Variants in ESRRG observed in about 807,000 individuals in gnomAD.
The protein encoded by ESRRG is estrogen-related receptor gamma.
In ESRRG, 13 loss-of-function variants were observed where a neutral mutation model predicts 44.0. That is an observed-to-expected ratio of 0.30 (90% CI 0.19 to 0.47). ESRRG has a LOEUF of 0.47. ESRRG is among the 20% of genes least tolerant of loss of function. ESRRG has a pLI of 1.00. For missense variants in ESRRG, 395 were observed against 580.6 expected, an observed-to-expected ratio of 0.68 and a Z score of 3.29; for synonymous variants, 215 against 214.6, an observed-to-expected ratio of 1.00 and a Z score of -0.02.
chr1:216,597,384 C>G (rs2058591000), intron 3 of ESRRG, among the ~76,000 whole-genome samples: 1 of 152,102 alleles, frequency 6.6e-6, no homozygotes, highest in South Asian at 2.1e-4. Context: ...AAAGAAGGAA[C>G]TTGGGCATCA....
intron 1 of ESRRG, among the ~76,000 whole-genome samples, chr1:217,103,908 G>A (rs1245690321): frequency 1.3e-5 from 2 of 152,166 alleles, no homozygotes; most frequent in African/African-American, 2.4e-5. Context: ...GTGAGACAGC[G>A]TGGGGCACTG....
At chr1:216,686,230 T>A (rs1428020668) in intron 1 of ESRRG, 1 of 152,048 alleles carries the variant, frequency 6.6e-6, no homozygotes, top group African/African-American at 2.4e-5. Context: ...GGAGGGGAAC[T>A]CAGCTAATTA....
In ESRRG at chr1:216,588,350, A is replaced by AGC. The variant is rs926477412; in HGVS notation, c.590-20254_590-20253dup. On this transcript the variant is annotated intron_variant, in intron 3 of 6. Transcript: ENST00000408911. ...GATTTGCAAAGATCTGAGGGTTAGG[A>AGC]GCTACTACAACAAACAACAACAACA... Among the ~76,000 whole-genome samples, 14 of 152,304 alleles carry AGC rather than the reference A, an allele frequency of 9.2e-5. No homozygotes were observed. The East Asian group carries it at 2.5e-3, about 27-fold the overall frequency.
chr1:216,818,039 T>C (rs2095194249), intron 2 of ESRRG, among the ~76,000 whole-genome samples: 1 of 152,192 alleles, frequency 6.6e-6, no homozygotes, highest in African/African-American at 2.4e-5. Flanking sequence ...ACAGTTATCA[T>C]TTCTGCACTG....
At chr1:216,694,657 C>A (rs1227743862) in intron 1 of ESRRG, among the ~76,000 whole-genome samples, 5 of 151,932 alleles carry the variant, frequency 3.3e-5, no homozygotes, top group Non-Finnish European at 7.4e-5. Context: ...CTTCTGGGCT[C>A]AAGTGATCCT....
chr1:216,640,958 T>A (rs1181020655), intron 3 of ESRRG, among the ~76,000 whole-genome samples: 1 of 152,148 alleles, frequency 6.6e-6, no homozygotes, highest in East Asian at 1.9e-4. Context: ...TTCAAGCAGG[T>A]TTCCCCTGCT....
At chr1:217,097,856 A>AAAG (rs2092447340) in intron 1 of ESRRG, among the ~76,000 whole-genome samples, 2 of 151,786 alleles carry the variant, frequency 1.3e-5, no homozygotes, top group Admixed American at 6.6e-5. Context: ...AAAAAAAAAA[A>AAAG]AAAAGATGAT....
Position 216,560,759 on chromosome 1 carries a change from A to G in ESRRG, c.862+3460T>C, listed in dbSNP as rs140321535. On this transcript the variant is annotated intron_variant, in intron 5 of 6. Coordinates refer to ENST00000408911, the MANE Select transcript of ESRRG (RefSeq NM_001438.4). The stretch of plus-strand genomic sequence containing the variant: ...GAGTGTGCAGTACCTCCGTATCTAC[A>G]TAAAAGAGATTAGAGGCGACAGCGT... 1.0e-3 allele frequency among the ~76,000 whole-genome samples: 153 copies of G among 152,314 alleles called. 1 individual carries two copies. The highest frequency in any genetic ancestry group is 8.5e-3 in the East Asian group (44 of 5,178).
chr1:216,762,561 G>T lies in ESRRG; in HGVS notation c.-13-85070C>A, dbSNP rs182540381. Among the ~76,000 whole-genome samples, 12 of 136,956 alleles carry T rather than the reference G, an allele frequency of 8.8e-5. 1 individual carries two copies. The highest frequency in any genetic ancestry group is 7.9e-4 in the South Asian group (3 of 3,818). 89.8% of individuals were successfully genotyped at this position (136,956 alleles called of 152,430 possible). A position where few individuals can be genotyped will look rare whatever the true frequency, so the allele number is the denominator to read the frequency against. ...CACACTCTGGGGACTGTTGTGGGGT[G>T]GGGGGAGTGGGGAGGGATAGCATTG... is the stretch of plus-strand genomic sequence containing the variant. On this transcript the variant is annotated intron_variant, in intron 2 of 7. Coordinates refer to the ESRRG transcript ENST00000359162.
At chr1:216,781,512 A>G (rs2093934232) in intron 2 of ESRRG, among the ~76,000 whole-genome samples, 2 of 152,038 alleles carry the variant, frequency 1.3e-5, no homozygotes, top group South Asian at 4.1e-4. Context: ...CAAGTCAGTC[A>G]ACATTTACGT....
chr1:216,821,962 T>G (rs2095307633), intron 2 of ESRRG, among the ~76,000 whole-genome samples: 1 of 151,860 alleles, frequency 6.6e-6, no homozygotes, highest in Admixed American at 6.6e-5. Flanking sequence ...CATATTCTGA[T>G]GTCCCTAGGT....
At chr1:217,087,949 G>A (rs554152081) in intron 1 of ESRRG, among the ~76,000 whole-genome samples, 10 of 151,912 alleles carry the variant, frequency 6.6e-5, no homozygotes, top group East Asian at 1.9e-4. Flanking sequence ...TCCTCAGCTC[G>A]GGATTTGAGA....
At chr1:216,855,189 C>A (rs899345663) in intron 2 of ESRRG, 2 of 152,238 alleles carry the variant, frequency 1.3e-5, no homozygotes, top group Admixed American at 6.5e-5. Context: ...GCTGATATGA[C>A]ACTTGGATTC....
At chr1:217,092,158 T>C (rs2092357139), upstream of ESRRG, among the ~76,000 whole-genome samples, 1 of 152,190 alleles carries the variant, frequency 6.6e-6, no homozygotes, top group South Asian at 2.1e-4. Context: ...AATCCAACTC[T>C]GCCTAGGAAC....
chr1:216,906,927 C>T (rs954667266), intron 2 of ESRRG, among the ~76,000 whole-genome samples: 1 of 152,142 alleles, frequency 6.6e-6, no homozygotes, highest in Admixed American at 6.6e-5. Context: ...TCCAGAGGTG[C>T]TGTTAATGTT....
Position 216,822,818 on chromosome 1 carries a change from C to A in ESRRG, c.-14+116764G>T, listed in dbSNP as rs571573139. On this transcript the variant is annotated intron_variant, in intron 2 of 7. Transcript: ENST00000359162. ...TAGCAAATCTCAGTATTATTTGGAA[C>A]CTTAATACAATCTTACAGATTGATA... 2.0e-4 allele frequency among the ~76,000 whole-genome samples: 30 copies of A among 152,296 alleles called. No homozygotes were observed. The South Asian group carries it at 4.1e-3, about 21-fold the overall frequency.
intron 2 of ESRRG, among the ~76,000 whole-genome samples, chr1:216,924,371 G>T (rs1313226479): frequency 6.6e-6 from 1 of 152,106 alleles, no homozygotes; most frequent in East Asian, 1.9e-4. Flanking sequence ...TGGCTCACTT[G>T]GTTCTTAAAT....
At chr1:216,547,783 C>T (rs967750052) in intron 5 of ESRRG, among the ~76,000 whole-genome samples, 1 of 152,058 alleles carries the variant, frequency 6.6e-6, no homozygotes, top group African/African-American at 2.4e-5. Flanking sequence ...CTTTAGCCGG[C>T]AAACATTGAG....
chr1:216,507,506 G>C (rs772059187), intron 6 of ESRRG, among the ~76,000 whole-genome samples: 4 of 152,068 alleles, frequency 2.6e-5, no homozygotes, highest in Non-Finnish European at 5.9e-5. Context: ...GTCTCATCCA[G>C]GTATATATTC....
Sources: allele counts gnomAD v4.1 joint callset (sites outside exome capture counted in the v4.1 genomes callset), GRCh38; gene constraint gnomAD v4.1.1; transcripts MANE v1.5; gene names NCBI Gene and HGNC (gene_info 2026-07-23, HGNC 2026-07-21).